RASGEF1B: variants seen among roughly 807,000 people sequenced by gnomAD.
RASGEF1B encodes RasGEF domain family member 1B, also known as ras-GEF domain-containing family member 1B.
A neutral mutation model predicts 65.7 loss-of-function variants in RASGEF1B; 30 were observed. That is an observed-to-expected ratio of 0.46 (90% CI 0.34 to 0.62). RASGEF1B has a LOEUF of 0.62. Among genes scored for constraint, RASGEF1B ranks in the 20% least tolerant of loss-of-function variants. The pLI is 0.01. For synonymous variants in RASGEF1B, 175 were observed against 194.8 expected (o/e 0.90, Z 0.85); for missense variants, 495 against 580.1 (o/e 0.85, Z 1.51).
At chr4:81,442,401 G>GA in intron 8 of RASGEF1B, 25 bp from the exon 9 acceptor site, 1 of 1,329,504 alleles carries the variant, frequency 7.5e-7, no homozygotes, top group African/African-American at 1.5e-5. Context: ...TGGAGGGGGA[G>GA]AAAAAAGGAA....
At chr4:81,452,845 G>T (rs1270414855) in intron 4 of RASGEF1B, 1 of 152,082 alleles carries the variant, frequency 6.6e-6, no homozygotes, top group Non-Finnish European at 1.5e-5. Flanking sequence ...TTCATTTCAT[G>T]TTTCTTGCAG....
In RASGEF1B at chr4:81,458,359, C is replaced by G. The variant is rs150323796; in HGVS notation, c.178-738G>C. ...AGGCGCCTTTACTAGCTCATAAACA[C>G]AGGGCTGAACAAGGGATTCCTTTTA... On this transcript the variant is annotated intron_variant, in intron 2 of 13. Transcript: ENST00000264400. Among the ~76,000 whole-genome samples, 398 of 152,194 alleles carry G rather than the reference C, an allele frequency of 2.6e-3. 4 individuals carry two copies. The highest frequency in any genetic ancestry group is 9.2e-3 in the African/African-American group (382 of 41,530).
intron 8 of RASGEF1B, among the ~76,000 whole-genome samples, chr4:81,443,989 T>C (rs571390610): frequency 7.1e-4 from 108 of 152,304 alleles, no homozygotes; most frequent in African/African-American, 2.5e-3. Flanking sequence ...GCAATGGTAT[T>C]AATATTTTGC....
chr4:81,450,119 T>C (rs921917985), intron 4 of RASGEF1B, among the ~76,000 whole-genome samples: 1 of 152,204 alleles, frequency 6.6e-6, no homozygotes, highest in Non-Finnish European at 1.5e-5. Flanking sequence ...AAGGGAAATG[T>C]CTTTTTTTTG....
chr4:81,429,134 C>T (rs1343823087), intron 13 of RASGEF1B, among the ~76,000 whole-genome samples: 1 of 152,222 alleles, frequency 6.6e-6, no homozygotes, highest in Non-Finnish European at 1.5e-5. Flanking sequence ...ACAAACACTA[C>T]ACAAAACCAC....
intron 13 of RASGEF1B, among the ~76,000 whole-genome samples, chr4:81,431,833 A>AT (rs1415516716): frequency 6.6e-6 from 1 of 152,202 alleles, no homozygotes; most frequent in East Asian, 1.9e-4. Context: ...AAATCTCCAG[A>AT]TTATGTTTAA....
At chr4:81,441,960 C>T (rs1204722677) in intron 9 of RASGEF1B, among the ~76,000 whole-genome samples, 1 of 152,150 alleles carries the variant, frequency 6.6e-6, no homozygotes, top group Non-Finnish European at 1.5e-5. Context: ...TCCCCTGAGA[C>T]ACTGAAGATA....
intron 1 of RASGEF1B, among the ~76,000 whole-genome samples, chr4:81,466,266 A>C (rs925433964): frequency 6.6e-6 from 1 of 152,100 alleles, no homozygotes; most frequent in Non-Finnish European, 1.5e-5. Flanking sequence ...AGCTGCATAG[A>C]TCTGAATTAA....
intron 8 of RASGEF1B, among the ~76,000 whole-genome samples, chr4:81,442,823 A>AT (rs888812600): frequency 1.3e-5 from 2 of 152,178 alleles, no homozygotes; most frequent in Admixed American, 6.5e-5. Context: ...TATTATTTTC[A>AT]TTTTTTTCAA....
chr4:81,446,657 TG>T (rs1225483757), intron 6 of RASGEF1B, among the ~76,000 whole-genome samples: 1 of 152,176 alleles, frequency 6.6e-6, no homozygotes, highest in Non-Finnish European at 1.5e-5. Flanking sequence ...TACACCATCA[TG>T]GTCTTTAGTA....
chr4:81,466,484 G>C (rs766600362), intron 1 of RASGEF1B, among the ~76,000 whole-genome samples: 1 of 152,006 alleles, frequency 6.6e-6, no homozygotes, highest in Non-Finnish European at 1.5e-5. Context: ...AGATTGCCAG[G>C]CGCGGTGGCT....
rs894845600 is a variant in RASGEF1B, at chr4:81,437,316, C to T, written c.1105-2582G>A. 2.2e-4 allele frequency among the ~76,000 whole-genome samples: 33 copies of T among 152,104 alleles called. 1 individual carries two copies. Among genetic ancestry groups the T allele is most frequent in the Non-Finnish European group, 1.5e-5 (1 of 68,034 alleles). ...AAATGACAGTGGCCATTGAGTTTTA[C>T]TGGAAGACAGCCATATTCATTCATC... On this transcript the variant is annotated intron_variant, in intron 10 of 13. Coordinates refer to ENST00000264400, the MANE Select transcript of RASGEF1B (RefSeq NM_152545.3).
rs1181139372 is a variant in RASGEF1B at position 81,445,597 on chromosome 4, A to G, written c.857T>C (p.Ile286Thr). 3 of 1,614,086 alleles carry G rather than the reference A, an allele frequency of 1.9e-6. No homozygotes were observed. The highest frequency in any genetic ancestry group is 1.7e-6 in the Non-Finnish European group (2 of 1,179,932). ...CCGAGCTACGTCAATGAAATACTCA[A>G]TCATTCTTGCTCGGTGTTTTTTCTT... ...PVKKKHRARM[I>T]EYFIDVAREC... Residue 286 changes from isoleucine to threonine, a missense_variant, in exon 8 of 14, where the codon ATT becomes ACT. Ile to Thr is a moderately conservative substitution (Grantham distance 89). Coordinates refer to ENST00000264400, the MANE Select transcript of RASGEF1B (RefSeq NM_152545.3).
chr4:81,453,313 T>A (rs958537674), intron 4 of RASGEF1B: 7 of 152,150 alleles, frequency 4.6e-5, no homozygotes, highest in Non-Finnish European at 7.3e-5. Flanking sequence ...TCCCTGGGAT[T>A]CTAAAATCTG....
Position 81,427,682 on chromosome 4 carries a change from G to A in RASGEF1B, c.*86C>T, listed in dbSNP as rs142042020. The stretch of plus-strand genomic sequence containing the variant: ...GACTGCAGGGTCTTCATGAGTGTTC[G>A]TGGTACGAGATGCCAGAAAACAAAG... On this transcript the variant is annotated 3_prime_UTR_variant, in exon 14 of 14. Coordinates refer to ENST00000264400, the MANE Select transcript of RASGEF1B (RefSeq NM_152545.3). 6.0e-4 allele frequency: 913 copies of A among 1,517,002 alleles called. 8 individuals carry two copies. The African/African-American group carries it at 0.011, about 18-fold the overall frequency. 94.0% of individuals were successfully genotyped at this position (1,517,002 alleles called of 1,614,324 possible). A position where few individuals can be genotyped will look rare whatever the true frequency, so the allele number is the denominator to read the frequency against.
intron 1 of RASGEF1B, among the ~76,000 whole-genome samples, chr4:81,471,430 C>A (rs1470670242): frequency 6.6e-6 from 1 of 152,220 alleles, no homozygotes; most frequent in Non-Finnish European, 1.5e-5. Context: ...AAGGCACAAC[C>A]CAACCCAACC....
intron 4 of RASGEF1B, chr4:81,456,248 T>A (rs1722436660): frequency 2.0e-6 from 1 of 503,416 alleles, no homozygotes; most frequent in Non-Finnish European, 3.5e-6. Flanking sequence ...CTACTATTTA[T>A]CCTCGGTTAA....
intron 1 of RASGEF1B, among the ~76,000 whole-genome samples, chr4:81,460,827 A>C (rs1338277204): frequency 6.6e-6 from 1 of 152,230 alleles, no homozygotes; most frequent in Non-Finnish European, 1.5e-5. Context: ...TGTCCCCTCC[A>C]CAAACCAGTG....
chr4:81,438,738 A>T (rs1381445054), intron 10 of RASGEF1B, among the ~76,000 whole-genome samples: 1 of 135,300 alleles, frequency 7.4e-6, no homozygotes, highest in Non-Finnish European at 1.5e-5. Flanking sequence ...CCAGCCCCCT[A>T]CTGGCCCAAG....
Sources: gnomAD v4.1 joint callset for allele counts (sites outside exome capture counted in the v4.1 genomes callset) on GRCh38, gnomAD v4.1.1 for gene constraint, MANE v1.5 for transcripts, NCBI Gene and HGNC (gene_info 2026-07-23, HGNC 2026-07-21) for gene names.